Variants in DLL1 observed in about 807,000 individuals in gnomAD.
DLL1 encodes delta like canonical Notch ligand 1.
A neutral mutation model predicts 75.1 loss-of-function variants in DLL1; 9 were observed. That is an observed-to-expected ratio of 0.12 (90% CI 0.07 to 0.21). DLL1 has a LOEUF of 0.21. Ranked by LOEUF, DLL1 falls within the 10% of genes least tolerant of loss-of-function variation. The pLI, the probability that DLL1 is intolerant of heterozygous loss-of-function variation, is 1.00. For synonymous variants in DLL1, 477 were observed against 418.3 expected (o/e 1.14, Z -1.71); for missense variants, 837 against 1,007.6 (o/e 0.83, Z 2.29).
chr6:170,283,566 C>T lies in DLL1; in HGVS notation c.1713G>A (p.Leu571=). Residue 571 remains leucine (L), a synonymous_variant, in exon 9 of 11, where the codon CTG becomes CTA. Coordinates refer to ENST00000366756, the MANE Select transcript of DLL1 (RefSeq NM_005618.4). ...CTGGGGGCCGGTGCTTCTGCAGCCTCAGCCGGACGCAGACCACCACAGCGG... is the reference window on the plus strand; with the variant it reads ...CTGGGGGCCGGTGCTTCTGCAGCCTTAGCCGGACGCAGACCACCACAGCGG... ...GCAAVVVCVR[L]RLQKHRPPAD... 1 of 1,613,356 alleles carries T rather than the reference C, an allele frequency of 6.2e-7. No homozygotes were observed. Among genetic ancestry groups the T allele is most frequent in the Non-Finnish European group, 8.5e-7 (1 of 1,179,990 alleles).
rs766371146 is a variant in DLL1, at chr6:170,289,819, G to A, written c.55-11C>T. ...CCCAGAGCTCCAGACCTGCACGGGG[G>A]AGGGCGGGGGCGTGAGGACGCGGGT... On this transcript the variant is annotated splice_polypyrimidine_tract_variant and intron_variant, in intron 1 of 10. Transcript: ENST00000366756. 2 of 1,553,006 alleles carry A rather than the reference G, an allele frequency of 1.3e-6. No individual in the cohort carries two copies. The highest frequency in any genetic ancestry group is 2.4e-5 in the East Asian group (1 of 41,512).
At chr6:170,288,889 C>CT (rs1357568278) in intron 2 of DLL1, 100 bp from the exon 3 acceptor site, 2 of 1,336,158 alleles carry the variant, frequency 1.5e-6, no homozygotes, top group African/African-American at 2.9e-5. Flanking sequence ...CAACAGAGGC[C>CT]TGAAGGCTGC....
chr6:170,290,970 C>A lies in DLL1; in HGVS notation c.-831G>T. The A allele has an allele frequency of 1.4e-6, 1 of 701,392 alleles. No homozygotes were observed. The highest frequency in any genetic ancestry group is 2.7e-5 in the East Asian group (1 of 37,206). The allele number at this position is 701,392 out of a possible 1,614,324, so 43.4% of individuals were successfully genotyped here. ...TGCCGCCCTTATATTCAGCCGGCCG[C>A]CCGCATGGCTAATGAGATGCAAATC... On this transcript the variant is annotated 5_prime_UTR_variant, in exon 1 of 11. Coordinates refer to ENST00000366756, the MANE Select transcript of DLL1 (RefSeq NM_005618.4). This position sits in a 1 kb window ranked among gnomAD's most constrained non-coding sequence, Gnocchi z 4.7.
chr6:170,289,275 C>G (rs1234551382), intron 2 of DLL1: 2 of 667,168 alleles, frequency 3.0e-6, no homozygotes, highest in Non-Finnish European at 5.2e-6. Context: ...CGGGCGCGCT[C>G]GGCCTCTCCT....
At chr6:170,284,121 A>T in intron 8 of DLL1, 92 bp from the exon 9 acceptor site, 5 of 1,474,752 alleles carry the variant, frequency 3.4e-6, no homozygotes, top group Non-Finnish European at 4.6e-6. Flanking sequence ...GACACTGTAG[A>T]AACCAGACAA....
intron 4 of DLL1, among the ~76,000 whole-genome samples, chr6:170,286,871 C>T (rs974824744): frequency 3.9e-5 from 6 of 152,198 alleles, no homozygotes; most frequent in African/African-American, 9.7e-5. Flanking sequence ...GGTGTCCCTG[C>T]GCCTATCCCC....
intron 5 of DLL1, 84 bp from the exon 6 acceptor site, chr6:170,285,783 C>T (rs55671621): frequency 1.8e-5 from 28 of 1,582,358 alleles, no homozygotes; most frequent in African/African-American, 1.6e-4. Flanking sequence ...ACCATCTTCC[C>T]GCAGCACCAG....
At position 170,286,386 on chromosome 6, in the gene DLL1, G is replaced by A. The variant is rs1216464831; in HGVS notation, c.671-88C>T. 13 of 1,524,588 alleles carry A rather than the reference G, an allele frequency of 8.5e-6. No individual in the cohort carries two copies. The Admixed American group carries it at 1.2e-4, about 14-fold the overall frequency. 94.4% of individuals were successfully genotyped at this position (1,524,588 alleles called of 1,614,324 possible). A position where few individuals can be genotyped will look rare whatever the true frequency, so the allele number is the denominator to read the frequency against. ...CCTTGGGGCCAGGACACAACTCGCC[G>A]GCTTCAGTCAGCAAATCCCAGCTGA... is the stretch of plus-strand genomic sequence containing the variant. On this transcript the variant is annotated intron_variant, in intron 4 of 10. Transcript: ENST00000366756.
chr6:170,285,483 G>C, intron 6 of DLL1, 60 bp from the exon 7 acceptor site: 1 of 1,614,130 alleles, frequency 6.2e-7, no homozygotes, highest in Non-Finnish European at 8.5e-7. Flanking sequence ...AATGCAGGAA[G>C]ACTTTATTTT....
In DLL1 at chr6:170,289,799, A is replaced by G. The variant is rs1186490577; in HGVS notation, c.64T>C (p.Ser22Pro). ...TGCAGCTTCAGTTCGAACACCCCAG[A>G]GCTCCAGACCTGCACGGGGGAGGGC... is the stretch of plus-strand genomic sequence containing the variant. The part of the protein sequence containing the change: ...LSALLCQVWS[S>P]GVFELKLQEF... The change falls in exon 2 of 11, where the codon TCT becomes CCT. Residue 22 changes from serine (S) to proline (P), a missense_variant. Physicochemically the swap from Ser to Pro is moderately conservative, Grantham distance 74. Transcript: ENST00000366756. The G allele has an allele frequency of 1.3e-6, 2 of 1,557,086 alleles. No homozygotes were observed. The highest frequency in any genetic ancestry group is 1.7e-6 in the Non-Finnish European group (2 of 1,150,332).
At chr6:170,284,149 G>A in intron 8 of DLL1, 120 bp from the exon 9 acceptor site, 1 of 1,296,014 alleles carries the variant, frequency 7.7e-7, no homozygotes, top group Non-Finnish European at 1.1e-6. Flanking sequence ...ACAGTCTGTG[G>A]CCTGAATGAG....
Position 170,289,936 on chromosome 6 carries a change from G to C in DLL1, c.55-128C>G, listed in dbSNP as rs3734775. The C allele has an allele frequency of 0.3, 397,997 of 1,314,414 alleles. 62,317 individuals are homozygous for C. Among genetic ancestry groups the C allele is most frequent in the Non-Finnish European group, 0.32 (323,084 of 1,013,254 alleles). The allele number at this position is 1,314,414 out of a possible 1,614,324, so 81.4% of individuals were successfully genotyped here. A position where few individuals can be genotyped will look rare whatever the true frequency, so the allele number is the denominator to read the frequency against. On this transcript the variant is annotated intron_variant, in intron 1 of 10. Coordinates refer to ENST00000366756, the MANE Select transcript of DLL1 (RefSeq NM_005618.4). ...GCCGAGCGCGCTCGCTGCACGGCCG[G>C]CGCTGGGGTCGTCGCCCCCGGGATT... is the stretch of plus-strand genomic sequence containing the variant.
chr6:170,289,857 A>C, intron 1 of DLL1, 49 bp from the exon 2 acceptor site: 1 of 1,528,096 alleles, frequency 6.5e-7, no homozygotes, highest in Non-Finnish European at 8.8e-7. Context: ...CGCCCGAGCT[A>C]GGGGGCGTGA....
At position 170,285,296 on chromosome 6, in the gene DLL1, G is replaced by C. The variant is rs375576760; in HGVS notation, c.990C>G (p.Asp330Glu). ...TCTTACAAGGGCTGGGGTCACACTC[G>C]TCAATCCCCAGCTCGCAGGTGGCAC... ...YTGATCELGI[D>E]ECDPSPCKNG... The change falls in exon 7 of 11, where the codon GAC (aspartate) becomes GAG (glutamate). Residue 330 changes from aspartate (D) to glutamate (E), a missense_variant. Physicochemically the swap from Asp to Glu is conservative, Grantham distance 45 (BLOSUM62 2). Around this residue, in one of 2 missense-constraint regions of DLL1, gnomAD observed 304 missense variants for 461.9 expected, o/e 0.66. Transcript: ENST00000366756. The C allele has an allele frequency of 6.2e-7, 1 of 1,614,156 alleles. No individual in the cohort carries two copies. The highest frequency in any genetic ancestry group is 8.5e-7 in the Non-Finnish European group (1 of 1,180,038).
Position 170,282,425 on chromosome 6 carries a change from A to G in DLL1, c.*449T>C, listed in dbSNP as rs1203502742. The G allele has an allele frequency of 4.7e-6, 1 of 213,484 alleles. No individual in the cohort carries two copies. The highest frequency in any genetic ancestry group is 9.4e-6 in the Non-Finnish European group (1 of 105,874). The allele number at this position is 213,484 out of a possible 1,614,324, so 13.2% of individuals were successfully genotyped here. ...AAAATACTCAAGCTTTACAGATATC[A>G]TGAAAAATATTTTTACAAATCCAAA... On this transcript the variant is annotated 3_prime_UTR_variant, in exon 11 of 11. Coordinates refer to ENST00000366756, the MANE Select transcript of DLL1 (RefSeq NM_005618.4).
chr6:170,284,867 C>A, intron 8 of DLL1, 52 bp downstream of exon 8: 1 of 1,565,954 alleles, frequency 6.4e-7, no homozygotes, highest in Non-Finnish European at 8.8e-7. Context: ...AATGCCACCT[C>A]AGTATTGACC....
Position 170,283,716 on chromosome 6 carries a change from G to A in DLL1, c.1563C>T (p.Pro521=), listed in dbSNP as rs143575138. 4.2e-4 allele frequency: 652 copies of A among 1,551,332 alleles called. No individual in the cohort carries two copies. The African/African-American group carries it at 6.3e-3, about 15-fold the overall frequency. The change falls in exon 9 of 11, where the codon CCC becomes CCT. Residue 521 remains proline (P), a synonymous_variant. Transcript: ENST00000366756. ...CCACCGCTGGGCCCGGGGGCAGCTC[G>A]GGGAGCAGGAACTGGCAGTTGGGAC... ...YGGPNCQFLL[P]ELPPGPAVVD...
In DLL1 at chr6:170,285,088, G is replaced by T. The variant is rs1187097553; in HGVS notation, c.1080C>A (p.Gly360=). 1 of 1,614,030 alleles carries T rather than the reference G, an allele frequency of 6.2e-7. No individual in the cohort carries two copies. Among genetic ancestry groups the T allele is most frequent in the African/African-American group, 1.3e-5 (1 of 74,930 alleles). Residue 360 remains glycine (G), a synonymous_variant, in exon 8 of 11, where the codon GGC becomes GGA. Coordinates refer to ENST00000366756, the MANE Select transcript of DLL1 (RefSeq NM_005618.4). The part of the protein sequence containing the change: ...YSCTCPPGFY[G]KICELSAMTC... ...TCATGGCACTCAATTCACAGATTTT[G>T]CCGTAGAAGCCGGGTGGGCAGGTAC...
chr6:170,286,302 C>T lies in DLL1; in HGVS notation c.671-4G>A. The T allele has an allele frequency of 3.1e-6, 5 of 1,614,188 alleles. No homozygotes were observed. The highest frequency in any genetic ancestry group is 4.2e-6 in the Non-Finnish European group (5 of 1,180,040). On this transcript the variant is annotated splice_region_variant and splice_polypyrimidine_tract_variant and intron_variant, in intron 4 of 10. Transcript: ENST00000366756. ...TCACATCCAGGCAGGCAGATCGCTA[C>T]AAGCAAAGGAAAAACAGGGTCAAGC... is the stretch of plus-strand genomic sequence containing the variant.
Sources: allele counts gnomAD v4.1 joint callset (sites outside exome capture counted in the v4.1 genomes callset), GRCh38; gene constraint gnomAD v4.1.1; regional missense constraint gnomAD v4.1.1; non-coding constraint Gnocchi (gnomAD v3.1); transcripts MANE v1.5; gene names NCBI Gene and HGNC (gene_info 2026-07-23, HGNC 2026-07-21).